AK8: variants seen among roughly 807,000 people sequenced by gnomAD.
AK8 encodes the protein ATP-AMP transphosphorylase 8.
AK8 carries 44 observed loss-of-function variants against 54.6 expected under a neutral mutation model. The ratio of observed to expected loss-of-function variants is 0.81; its 90% CI spans 0.63 to 1.04. The LOEUF is 1.04. Ranked by LOEUF, AK8 falls within the 50% of genes least tolerant of loss-of-function variation. The probability of loss-of-function intolerance (pLI) is 0.00; values close to 1 mark genes in which losing one functional copy is unlikely to be tolerated. For missense variants in AK8, 555 were observed against 613.6 expected (o/e 0.90, Z 1.01); for synonymous variants, 239 against 245.6 (o/e 0.97, Z 0.25).
chr9:132,770,883 C>T lies in AK8; in HGVS notation c.1121+21751G>A, dbSNP rs1186997605. 6.6e-6 allele frequency among the ~76,000 whole-genome samples: 1 copy of T among 152,172 alleles called. No individual in the cohort carries two copies. Among genetic ancestry groups the T allele is most frequent in the Non-Finnish European group, 1.5e-5 (1 of 68,028 alleles). On this transcript the variant is annotated intron_variant, in intron 11 of 12. Coordinates refer to ENST00000298545, the MANE Select transcript of AK8 (RefSeq NM_152572.3). The surrounding 1 kb of genome is among the most constrained non-coding windows in gnomAD (Gnocchi z 4.3). ...TCAGGCCCAGCGGTGTGGGCCTCCC[C>T]AGTCAGGGAGATGCTTCCCCCATCT...
intron 5 of AK8, among the ~76,000 whole-genome samples, chr9:132,851,817 CAT>C (rs1182979056): frequency 1.3e-5 from 2 of 152,198 alleles, no homozygotes; most frequent in Non-Finnish European, 2.9e-5. Flanking sequence ...TGACATTTGC[CAT>C]AGGATTTAAA....
chr9:132,828,683 A>G lies in AK8; in HGVS notation c.446T>C (p.Leu149Pro). Residue 149 changes from leucine to proline, a missense_variant, in exon 6 of 13, where the codon CTG (leucine) becomes CCG (proline). Leu to Pro is a moderately conservative substitution (Grantham distance 98). Transcript: ENST00000298545. ...TGTGATCCCCAGGGTCTGGATCCTC[A>G]GAGCCTGCTCACGCGTCTCAGGGAT... ...DGIPETREQA[L>P]RIQTLGITPR... The G allele has an allele frequency of 6.2e-7, 1 of 1,612,906 alleles. No homozygotes were observed. Among genetic ancestry groups the G allele is most frequent in the South Asian group, 1.1e-5 (1 of 90,750 alleles).
intron 11 of AK8, among the ~76,000 whole-genome samples, chr9:132,734,537 A>G (rs955342071): frequency 2.0e-5 from 3 of 152,080 alleles, no homozygotes; most frequent in South Asian, 2.1e-4. Context: ...GGAGTTCAAG[A>G]CCAACCTGGG....
intron 5 of AK8, among the ~76,000 whole-genome samples, chr9:132,840,935 C>T (rs1842517951): frequency 1.3e-5 from 2 of 152,072 alleles, no homozygotes; most frequent in Non-Finnish European, 2.9e-5. Flanking sequence ...ACACAAAGCC[C>T]AGGTATGAAG....
intron 11 of AK8, among the ~76,000 whole-genome samples, chr9:132,772,675 T>A (rs1349286619): frequency 6.6e-6 from 1 of 152,196 alleles, no homozygotes; most frequent in Non-Finnish European, 1.5e-5. Context: ...TGCCCAAAAC[T>A]GAGCTAGTGG....
chr9:132,727,630 T>C lies in AK8; in HGVS notation c.1122-96A>G. The C allele has an allele frequency of 3.3e-6, 4 of 1,223,764 alleles. No individual in the cohort carries two copies. In the Admixed American group the frequency reaches 7.9e-5, roughly 24 times the overall value. The allele number at this position is 1,223,764 out of a possible 1,614,324, so 75.8% of individuals were successfully genotyped here. A position where few individuals can be genotyped will look rare whatever the true frequency, so the allele number is the denominator to read the frequency against. ...GTCTTGAGAATCCTGGAGAGACTGC[T>C]CCTCCCAGGGCTGGCCGATTCCTAG... On this transcript the variant is annotated intron_variant, in intron 11 of 12. Coordinates refer to ENST00000298545, the MANE Select transcript of AK8 (RefSeq NM_152572.3).
intron 10 of AK8, among the ~76,000 whole-genome samples, chr9:132,801,587 C>G (rs1235860826): frequency 6.6e-6 from 1 of 152,102 alleles, no homozygotes; most frequent in Admixed American, 6.5e-5. Context: ...AGTTTTTTCT[C>G]CCACATCTCA....
rs1015080711 is a variant in AK8 at position 132,770,175 on chromosome 9, G to A, written c.1121+22459C>T. 1 of 152,194 alleles carries A rather than the reference G, an allele frequency of 6.6e-6. No individual in the cohort carries two copies. Among genetic ancestry groups the A allele is most frequent in the African/African-American group, 2.4e-5 (1 of 41,432 alleles). 9.4% of individuals were successfully genotyped at this position (152,194 alleles called of 1,614,324 possible). A position where few individuals can be genotyped will look rare whatever the true frequency, so the allele number is the denominator to read the frequency against. ...GGGAAACGGAACCAGGGGAAGGCCT[G>A]GGGGGGTCACACTCGTGCCCCTTGC... On this transcript the variant is annotated intron_variant, in intron 11 of 12. Transcript: ENST00000298545. The surrounding 1 kb of genome is among the most constrained non-coding windows in gnomAD (Gnocchi z 4.3).
At chr9:132,783,342 G>A (rs1276374677) in intron 11 of AK8, among the ~76,000 whole-genome samples, 1 of 152,144 alleles carries the variant, frequency 6.6e-6, no homozygotes, top group Non-Finnish European at 1.5e-5. Context: ...ATGCAGCCCT[G>A]GCAGTGCCAT....
intron 11 of AK8, among the ~76,000 whole-genome samples, chr9:132,730,595 T>C (rs923966902): frequency 2.0e-5 from 3 of 152,138 alleles, no homozygotes; most frequent in African/African-American, 4.8e-5. Flanking sequence ...TGGATGCCTA[T>C]GCCCCTTGCC....
At chr9:132,780,882 T>C (rs1284273390) in intron 11 of AK8, among the ~76,000 whole-genome samples, 2 of 152,176 alleles carry the variant, frequency 1.3e-5, no homozygotes, top group African/African-American at 4.8e-5. Flanking sequence ...ATTTCTGAGA[T>C]AGCATGACCA....
chr9:132,766,391 G>C (rs978180533), intron 11 of AK8, among the ~76,000 whole-genome samples: 5 of 152,180 alleles, frequency 3.3e-5, no homozygotes, highest in African/African-American at 4.8e-5. Context: ...TGGAATTACA[G>C]GTGTGATCCA....
At chr9:132,778,246 G>A (rs539341470) in intron 11 of AK8, among the ~76,000 whole-genome samples, 131 of 152,290 alleles carry the variant, frequency 8.6e-4, no homozygotes, top group South Asian at 1.7e-3. Context: ...AGGGTCACCC[G>A]GGTTCTATTA....
chr9:132,750,978 A>G (rs559404610), intron 11 of AK8, among the ~76,000 whole-genome samples: 8 of 152,154 alleles, frequency 5.3e-5, no homozygotes, highest in Non-Finnish European at 8.8e-5. Context: ...TATCTGGGTT[A>G]TGCTCCCAGG....
intron 5 of AK8, among the ~76,000 whole-genome samples, chr9:132,848,115 C>CAAAAAAAAAAAA (rs796764891): frequency 8.0e-4 from 42 of 52,534 alleles, no homozygotes; most frequent in Admixed American, 2.2e-3. Flanking sequence ...CACCCTGTTT[C>CAAAAAAAAAAAA]AAAAAAAAAA....
At chr9:132,805,342 C>A (rs1015356650) in intron 10 of AK8, among the ~76,000 whole-genome samples, 4 of 152,324 alleles carry the variant, frequency 2.6e-5, no homozygotes, top group Admixed American at 1.3e-4. Context: ...TTCAGCCCAA[C>A]AGGAAAATCT....
intron 11 of AK8, among the ~76,000 whole-genome samples, chr9:132,749,395 C>T (rs548765265): frequency 1.3e-5 from 2 of 151,898 alleles, no homozygotes; most frequent in East Asian, 1.9e-4. Context: ...TGGGCACTAC[C>T]GCCTCCCTGG....
chr9:132,846,466 C>T (rs137882089), intron 5 of AK8, among the ~76,000 whole-genome samples: 3 of 152,226 alleles, frequency 2.0e-5, no homozygotes, highest in African/African-American at 7.2e-5. Context: ...TGCTTTGGTC[C>T]CTGTGCTTAG....
rs1186195799 is a variant in AK8, at chr9:132,875,207, T to C, written c.85-8A>G. On this transcript the variant is annotated splice_region_variant and splice_polypyrimidine_tract_variant and intron_variant, in intron 1 of 12. Coordinates refer to ENST00000298545, the MANE Select transcript of AK8 (RefSeq NM_152572.3). Reference sequence around the variant, plus strand: ...GAGTTGCTCCAGCATGTTCTGTGGGTGCAGGGCAGACACCCAGGTGGTTAA... The same window carrying C: ...GAGTTGCTCCAGCATGTTCTGTGGGCGCAGGGCAGACACCCAGGTGGTTAA... 24 of 1,613,840 alleles carry C rather than the reference T, an allele frequency of 1.5e-5. No homozygotes were observed. The highest frequency in any genetic ancestry group is 2.7e-5 in the African/African-American group (2 of 74,904).
Sources: allele counts gnomAD v4.1 joint callset (sites outside exome capture counted in the v4.1 genomes callset), GRCh38; gene constraint gnomAD v4.1.1; non-coding constraint Gnocchi (gnomAD v3.1); transcripts MANE v1.5; gene names NCBI Gene and HGNC (gene_info 2026-07-23, HGNC 2026-07-21).